Variants in UGT2B7 observed in about 807,000 individuals in gnomAD.
UGT2B7 encodes the protein UDP-glucuronosyltransferase 2B7.
In UGT2B7, 51 loss-of-function variants were observed where a neutral mutation model predicts 51.9. That is an observed-to-expected ratio of 0.98 (90% CI 0.78 to 1.24). UGT2B7 has a LOEUF of 1.24. Among genes scored for constraint, UGT2B7 ranks in the 50% most tolerant of loss-of-function variants. UGT2B7 has a pLI of 0.00. For missense variants in UGT2B7, 727 were observed against 628.4 expected, an observed-to-expected ratio of 1.16 and a Z score of -1.68; for synonymous variants, 225 against 211.6, an observed-to-expected ratio of 1.06 and a Z score of -0.55.
chr4:69,077,502 C>A (rs1000632279), intron 1 of UGT2B7, among the ~76,000 whole-genome samples: 1 of 151,120 alleles, frequency 6.6e-6, no homozygotes, highest in South Asian at 2.1e-4. Context: ...TCATTCACAT[C>A]CCTTGTAAGT....
upstream of UGT2B7, among the ~76,000 whole-genome samples, chr4:69,092,738 A>G (rs953268103): frequency 1.3e-5 from 2 of 152,116 alleles, no homozygotes; most frequent in African/African-American, 4.8e-5. Flanking sequence ...ATCAAAATAA[A>G]TAGAAGAGAG....
chr4:69,105,017 G>C (rs1262206508), intron 3 of UGT2B7, among the ~76,000 whole-genome samples: 1 of 152,228 alleles, frequency 6.6e-6, no homozygotes, highest in African/African-American at 2.4e-5. Context: ...TAGATTTAGA[G>C]AAAGAGAAAA....
At chr4:69,102,299 G>C (rs1426978650) in intron 2 of UGT2B7, among the ~76,000 whole-genome samples, 1 of 152,104 alleles carries the variant, frequency 6.6e-6, no homozygotes, top group East Asian at 1.9e-4. Flanking sequence ...TATCCCAACT[G>C]TGAGTAGCTT....
chr4:69,104,832 A>T (rs986534187), intron 3 of UGT2B7, among the ~76,000 whole-genome samples: 2 of 152,172 alleles, frequency 1.3e-5, no homozygotes, highest in African/African-American at 2.4e-5. Context: ...TAACAATAGC[A>T]GGTATTTCAA....
In UGT2B7 at chr4:69,097,167, A is replaced by T; in HGVS notation, c.647A>T (p.Tyr216Phe). 1.2e-6 allele frequency: 2 copies of T among 1,613,280 alleles called. No homozygotes were observed. The highest frequency in any genetic ancestry group is 1.1e-5 in the South Asian group (1 of 90,996). The part of the protein sequence containing the change: ...TFMERVKNMI[Y>F]VLYFDFWFEI... ...ATGGAGAGGGTAAAAAATATGATCT[A>T]TGTGCTTTACTTTGACTTTTGGTTC... The change falls in exon 1 of 6, where the codon TAT (tyrosine) becomes TTT (phenylalanine). Residue 216 changes from tyrosine (Y) to phenylalanine (F), a missense_variant. Coordinates refer to ENST00000305231, the MANE Select transcript of UGT2B7 (RefSeq NM_001074.4).
At chr4:69,077,411 C>T (rs1394161565) in intron 1 of UGT2B7, among the ~76,000 whole-genome samples, 3 of 151,994 alleles carry the variant, frequency 2.0e-5, no homozygotes, top group Admixed American at 6.6e-5. Context: ...TCTTCCTATC[C>T]ATGAGCATGG....
intron 1 of UGT2B7, among the ~76,000 whole-genome samples, chr4:69,086,199 C>T (rs1718952348): frequency 6.6e-6 from 1 of 150,966 alleles, no homozygotes; most frequent in Non-Finnish European, 1.5e-5. Context: ...ATTGTCTTTC[C>T]ATTTTTATTT....
At chr4:69,104,311 T>C (rs144129385) in intron 3 of UGT2B7, among the ~76,000 whole-genome samples, 142 of 152,244 alleles carry the variant, frequency 9.3e-4, no homozygotes, top group African/African-American at 3.3e-3. Flanking sequence ...TACTGTAGTA[T>C]ATTTCAGGAT....
chr4:69,064,113 A>AGG (rs1560499813), intron 1 of UGT2B7, among the ~76,000 whole-genome samples: 15 of 50,828 alleles, frequency 3.0e-4, no homozygotes, highest in South Asian at 6.1e-4. Flanking sequence ...AAAGAAAGAA[A>AGG]AAGAAAGAAA....
At chr4:69,060,143 G>A (rs887876140) in intron 1 of UGT2B7, among the ~76,000 whole-genome samples, 10 of 152,266 alleles carry the variant, frequency 6.6e-5, no homozygotes, top group South Asian at 2.1e-4. Flanking sequence ...TAGCAGCCCC[G>A]ACCTGAGAGG....
intron 3 of UGT2B7, among the ~76,000 whole-genome samples, chr4:69,103,800 T>C (rs1177029528): frequency 6.6e-6 from 1 of 152,188 alleles, no homozygotes; most frequent in Non-Finnish European, 1.5e-5. Context: ...TGTTTGCACT[T>C]TAAGTCAAAT....
chr4:69,057,006 G>A (rs1353288047), intron 1 of UGT2B7, among the ~76,000 whole-genome samples: 1 of 152,188 alleles, frequency 6.6e-6, no homozygotes, highest in Non-Finnish European at 1.5e-5. Context: ...CTTAAACCTA[G>A]TAGTTAAAAA....
chr4:69,107,938 A>G (rs983024831), intron 4 of UGT2B7, among the ~76,000 whole-genome samples, 165 bp from the exon 5 acceptor site: 1 of 152,154 alleles, frequency 6.6e-6, no homozygotes, highest in Non-Finnish European at 1.5e-5. Flanking sequence ...TATAGCCTTC[A>G]GTTACATACC....
intron 1 of UGT2B7, among the ~76,000 whole-genome samples, chr4:69,080,476 A>G (rs1718810223): frequency 6.6e-6 from 1 of 151,520 alleles, no homozygotes; most frequent in Non-Finnish European, 1.5e-5. Context: ...TGAACCAAGA[A>G]GGCAGAAGTT....
chr4:69,063,385 ACCT>A (rs2109864230), intron 1 of UGT2B7, among the ~76,000 whole-genome samples: 1 of 151,946 alleles, frequency 6.6e-6, no homozygotes, highest in South Asian at 2.1e-4. Context: ...TACTATAGGT[ACCT>A]GGGCACAAGA....
intron 4 of UGT2B7, 97 bp from the exon 5 acceptor site, chr4:69,108,006 G>C (rs1193142124): frequency 6.9e-7 from 1 of 1,448,354 alleles, no homozygotes; most frequent in Non-Finnish European, 9.5e-7. Flanking sequence ...ATTTAGTTCA[G>C]TGTTTTAGCT....
At position 69,107,165 on chromosome 4, in the gene UGT2B7, A is replaced by G. The variant is rs1048824355; in HGVS notation, c.1003-10A>G. ...ACTCATGGAATAAAATATTTTCTTTATTGTAACAGGTTCTGTGGAGATTTG... is the reference window on the plus strand; with the variant it reads ...ACTCATGGAATAAAATATTTTCTTTGTTGTAACAGGTTCTGTGGAGATTTG... On this transcript the variant is annotated splice_polypyrimidine_tract_variant and intron_variant, in intron 3 of 5. Transcript: ENST00000305231. The G allele has an allele frequency of 5.0e-6, 8 of 1,605,524 alleles. No homozygotes were observed. Among genetic ancestry groups the G allele is most frequent in the Non-Finnish European group, 6.8e-6 (8 of 1,175,276 alleles).
chr4:69,112,429 C>A, intron 5 of UGT2B7, 28 bp from the exon 6 acceptor site: 1 of 1,604,236 alleles, frequency 6.2e-7, no homozygotes, highest in Non-Finnish European at 8.5e-7. Flanking sequence ...CTTCCTGCTA[C>A]ATTACTGTCT....
At chr4:69,053,443 G>A (rs982819497) in intron 1 of UGT2B7, among the ~76,000 whole-genome samples, 26 of 152,294 alleles carry the variant, frequency 1.7e-4, no homozygotes, top group Non-Finnish European at 4.4e-5. Context: ...CCATCTGCAC[G>A]TTAAACAAAA....
Sources: allele counts gnomAD v4.1 joint callset (sites outside exome capture counted in the v4.1 genomes callset), GRCh38; gene constraint gnomAD v4.1.1; transcripts MANE v1.5; gene names NCBI Gene and HGNC (gene_info 2026-07-23, HGNC 2026-07-21).